The following LHFPL3 variants were observed in gnomAD, a reference collection of about 807,000 sequenced individuals.
LHFPL3 encodes LHFPL tetraspan subfamily member 3.
In LHFPL3, 5 loss-of-function variants were observed where a neutral mutation model predicts 19.3. That is an observed-to-expected ratio of 0.26 (90% CI 0.14 to 0.54). LHFPL3 has a LOEUF of 0.54. Among genes scored for constraint, LHFPL3 ranks in the 20% least tolerant of loss-of-function variants. The pLI is 0.94. For missense variants in LHFPL3, 249 were observed against 307.4 expected (o/e 0.81, Z 1.42); for synonymous variants, 133 against 126.2 (o/e 1.05, Z -0.36).
At chr7:104,552,361 C>A (rs756085524) in intron 1 of LHFPL3, among the ~76,000 whole-genome samples, 6 of 152,158 alleles carry the variant, frequency 3.9e-5, no homozygotes, top group Admixed American at 3.9e-4. Context: ...GGGTTCACTT[C>A]CTGACTTATT....
chr7:104,620,374 C>A (rs1046443205), intron 1 of LHFPL3, among the ~76,000 whole-genome samples: 1 of 152,216 alleles, frequency 6.6e-6, no homozygotes, highest in African/African-American at 2.4e-5. Context: ...ACAATGATGA[C>A]TAAACCCTTT....
intron 2 of LHFPL3, among the ~76,000 whole-genome samples, chr7:104,852,943 C>G (rs910371237): frequency 1.3e-5 from 2 of 152,196 alleles, no homozygotes; most frequent in Non-Finnish European, 2.9e-5. Flanking sequence ...GACCAGCCTG[C>G]TTTCCCTGTG....
intron 1 of LHFPL3, among the ~76,000 whole-genome samples, chr7:104,400,602 A>G (rs1395757105): frequency 6.6e-6 from 1 of 152,168 alleles, no homozygotes; most frequent in Non-Finnish European, 1.5e-5. Flanking sequence ...TCTGATTATT[A>G]TTATGCTGCA....
chr7:104,362,354 T>G (rs1790402200), intron 1 of LHFPL3, among the ~76,000 whole-genome samples: 1 of 152,196 alleles, frequency 6.6e-6, no homozygotes, highest in Non-Finnish European at 1.5e-5. Context: ...GTAAACTCAT[T>G]ACATCATAAA....
At chr7:104,877,471 CA>C (rs1226666876) in intron 2 of LHFPL3, among the ~76,000 whole-genome samples, 1 of 151,938 alleles carries the variant, frequency 6.6e-6, no homozygotes, top group East Asian at 1.9e-4. Flanking sequence ...GACATTTCCC[CA>C]AATGATATAA....
intron 1 of LHFPL3, among the ~76,000 whole-genome samples, chr7:104,528,998 A>C (rs922903889): frequency 6.6e-6 from 1 of 152,140 alleles, no homozygotes; most frequent in Non-Finnish European, 1.5e-5. Context: ...TCTAGATCTC[A>C]GTGAAGCCTT....
intron 1 of LHFPL3, among the ~76,000 whole-genome samples, chr7:104,551,211 G>C (rs1448513821): frequency 6.6e-6 from 1 of 152,062 alleles, no homozygotes; most frequent in African/African-American, 2.4e-5. Flanking sequence ...TTATCATTCT[G>C]CTAACAAAAT....
intron 1 of LHFPL3, among the ~76,000 whole-genome samples, chr7:104,524,563 C>T (rs539599453): frequency 3.2e-4 from 48 of 152,272 alleles, no homozygotes; most frequent in African/African-American, 1.1e-3. Flanking sequence ...TAGCCCAGTG[C>T]TTCTCAAGTG....
chr7:104,884,463 T>C (rs1354212503), intron 2 of LHFPL3, among the ~76,000 whole-genome samples: 1 of 152,184 alleles, frequency 6.6e-6, no homozygotes, highest in East Asian at 1.9e-4. Context: ...AGTTGGAATA[T>C]CTGGGAATAG....
intron 2 of LHFPL3, among the ~76,000 whole-genome samples, chr7:104,753,520 T>G (rs1794217063): frequency 6.6e-6 from 1 of 152,198 alleles, no homozygotes; most frequent in African/African-American, 2.4e-5. Context: ...GGGCCTCTTT[T>G]AAACAAAACT....
In LHFPL3 at chr7:104,444,801, C is replaced by T. The variant is rs549744619; in HGVS notation, c.445+115577C>T. Among the ~76,000 whole-genome samples the T allele has an allele frequency of 7.2e-5, 11 of 152,164 alleles. No homozygotes were observed. In the East Asian group the frequency reaches 1.9e-3, roughly 27 times the overall value. On this transcript the variant is annotated intron_variant, in intron 1 of 2. Coordinates refer to ENST00000424859, the MANE Select transcript of LHFPL3 (RefSeq NM_199000.3). ...GTCGGGAGTTCGAGACCAGCCTGAC[C>T]AACATGGAGAAACCCTGCCTCTACA...
rs543454306 is a variant in LHFPL3, at chr7:104,504,070, G to A, written c.445+174846G>A. 1.4e-3 allele frequency among the ~76,000 whole-genome samples: 212 copies of A among 152,168 alleles called. 2 individuals carry two copies. The highest frequency in any genetic ancestry group is 4.2e-3 in the African/African-American group (176 of 41,522). ...ACCTGTTTTTCATTTTTCTCTCCAG[G>A]CCAGACTCCATTCCTTTCATCTGTC... On this transcript the variant is annotated intron_variant, in intron 1 of 2. Coordinates refer to ENST00000424859, the MANE Select transcript of LHFPL3 (RefSeq NM_199000.3).
chr7:104,415,597 T>C (rs566884732), intron 1 of LHFPL3, among the ~76,000 whole-genome samples: 7 of 152,328 alleles, frequency 4.6e-5, no homozygotes, highest in African/African-American at 1.7e-4. Context: ...TTCCTAATAT[T>C]ACTTTCCAGT....
At chr7:104,569,277 A>T (rs1463925439) in intron 1 of LHFPL3, among the ~76,000 whole-genome samples, 1 of 152,084 alleles carries the variant, frequency 6.6e-6, no homozygotes, top group African/African-American at 2.4e-5. Flanking sequence ...TCCTATTAAG[A>T]CTCCAGGCCA....
At chr7:104,626,017 C>T (rs1791538411) in intron 1 of LHFPL3, among the ~76,000 whole-genome samples, 1 of 152,200 alleles carries the variant, frequency 6.6e-6, no homozygotes, top group African/African-American at 2.4e-5. Context: ...CACTGTCACC[C>T]TTGGCATATA....
chr7:104,388,196 A>G (rs1361826436), intron 1 of LHFPL3, among the ~76,000 whole-genome samples: 1 of 152,118 alleles, frequency 6.6e-6, no homozygotes, highest in Non-Finnish European at 1.5e-5. Flanking sequence ...GTTGATAGGC[A>G]CCTAGATTGA....
intron 2 of LHFPL3, among the ~76,000 whole-genome samples, chr7:104,763,552 C>T (rs1794410397): frequency 6.6e-6 from 1 of 152,270 alleles, no homozygotes; most frequent in Non-Finnish European, 1.5e-5. Flanking sequence ...CACTTAGCCT[C>T]CACAAGAGGC....
chr7:104,520,859 T>C (rs1424552583), intron 1 of LHFPL3, among the ~76,000 whole-genome samples: 1 of 149,890 alleles, frequency 6.7e-6, no homozygotes, highest in East Asian at 1.9e-4. Flanking sequence ...TTAGTCTTGC[T>C]AGCGGTCTAT....
intron 1 of LHFPL3, among the ~76,000 whole-genome samples, chr7:104,635,833 T>C (rs1285011557): frequency 1.3e-5 from 2 of 151,984 alleles, no homozygotes; most frequent in South Asian, 2.1e-4. Flanking sequence ...CCATCAAAGA[T>C]GCAATAGAAA....
Sources: gnomAD v4.1 joint callset for allele counts (sites outside exome capture counted in the v4.1 genomes callset) on GRCh38, gnomAD v4.1.1 for gene constraint, MANE v1.5 for transcripts, NCBI Gene and HGNC (gene_info 2026-07-23, HGNC 2026-07-21) for gene names.